The following RUFY3 variants were observed in gnomAD, a reference collection of about 807,000 sequenced individuals.
RUFY3 encodes the protein protein RUFY3.
Under a neutral mutation model 84.0 loss-of-function variants are expected in RUFY3, and 34 were observed. That is an observed-to-expected ratio of 0.40 (90% CI 0.31 to 0.54). RUFY3 has a LOEUF of 0.54. Among genes scored for constraint, RUFY3 ranks in the 20% least tolerant of loss-of-function variants. The pLI, the probability that RUFY3 is intolerant of heterozygous loss-of-function variation, is 0.39. For synonymous variants in RUFY3, 242 were observed against 252.9 expected (o/e 0.96, Z 0.41); for missense variants, 507 against 736.8 (o/e 0.69, Z 3.61).
intron 4 of RUFY3, among the ~76,000 whole-genome samples, chr4:70,766,715 C>T (rs1254927893): frequency 6.6e-6 from 1 of 152,140 alleles, no homozygotes; most frequent in Non-Finnish European, 1.5e-5. Flanking sequence ...ATTGATGAAC[C>T]TACATTGACA....
intron 10 of RUFY3, among the ~76,000 whole-genome samples, chr4:70,788,237 A>G (rs1730229033): frequency 1.3e-5 from 2 of 151,200 alleles, no homozygotes; most frequent in African/African-American, 4.9e-5. Context: ...GTGAGCCAAG[A>G]CTGAGCCCCT....
chr4:70,760,738 A>G (rs1028090862), intron 1 of RUFY3, among the ~76,000 whole-genome samples: 6 of 152,328 alleles, frequency 3.9e-5, no homozygotes, highest in African/African-American at 1.2e-4. Context: ...CATTTAAGCT[A>G]TGGCCACATT....
intron 4 of RUFY3, among the ~76,000 whole-genome samples, chr4:70,767,418 CT>C (rs1347722276): frequency 6.6e-6 from 1 of 151,284 alleles, no homozygotes; most frequent in Non-Finnish European, 1.5e-5. Context: ...CGATAGCTCC[CT>C]TTTTTTAGTG....
Position 70,714,513 on chromosome 4 carries a change from A to G in RUFY3, c.358+9219A>G, listed in dbSNP as rs564758434. On this transcript the variant is annotated intron_variant, in intron 1 of 11. Transcript: ENST00000417478. ...TGTTGAGTGAATGAATCTGTTATGT[A>G]CATGTAATGAAGCCAGTGTTAGACT... 7.9e-5 allele frequency among the ~76,000 whole-genome samples: 12 copies of G among 152,320 alleles called. No individual in the cohort carries two copies. The South Asian group carries it at 2.3e-3, about 29-fold the overall frequency.
Position 70,777,304 on chromosome 4 carries a change from T to C in RUFY3, c.825-1065T>C, listed in dbSNP as rs147786158. ...TTCCAGAACATAAAACAGTTTCCTC[T>C]CTCCTGAGAAGAGCTATCCAAAAGC... On this transcript the variant is annotated intron_variant, in intron 7 of 17. Transcript: ENST00000381006. Among the ~76,000 whole-genome samples, 305 of 152,314 alleles carry C rather than the reference T, an allele frequency of 2.0e-3. 1 individual carries two copies. The highest frequency in any genetic ancestry group is 7.0e-3 in the African/African-American group (292 of 41,586).
At chr4:70,795,005 T>C (rs910828449) in intron 14 of RUFY3, 111 bp downstream of exon 14, 22 of 726,336 alleles carry the variant, frequency 3.0e-5, no homozygotes, top group African/African-American at 5.3e-5. Flanking sequence ...AGTGGCTGTG[T>C]CCTCAAGTAT....
chr4:70,736,333 TAGGG>T (rs1720288965), intron 1 of RUFY3, among the ~76,000 whole-genome samples: 1 of 152,140 alleles, frequency 6.6e-6, no homozygotes, highest in Non-Finnish European at 1.5e-5. Flanking sequence ...TTCAAATACC[TAGGG>T]ATAACCACTG....
intron 1 of RUFY3, among the ~76,000 whole-genome samples, chr4:70,752,014 C>A (rs1254403309): frequency 6.6e-6 from 1 of 152,164 alleles, no homozygotes; most frequent in Non-Finnish European, 1.5e-5. Flanking sequence ...CTCCTGACCT[C>A]AAGTGATCCA....
intron 1 of RUFY3, among the ~76,000 whole-genome samples, chr4:70,744,862 C>T (rs1297536957): frequency 6.6e-6 from 1 of 151,922 alleles, no homozygotes; most frequent in African/African-American, 2.4e-5. Context: ...ACCATGTTGG[C>T]TAGGCTGGTC....
intron 9 of RUFY3, among the ~76,000 whole-genome samples, chr4:70,784,371 T>C (rs187934796): frequency 1.3e-5 from 2 of 152,192 alleles, no homozygotes; most frequent in Admixed American, 6.5e-5. Context: ...TAATCCCAGC[T>C]ACTCGGGAAG....
intron 1 of RUFY3, among the ~76,000 whole-genome samples, chr4:70,751,776 G>A (rs1553909606): frequency 1.3e-5 from 2 of 151,838 alleles, no homozygotes; most frequent in Admixed American, 6.6e-5. Flanking sequence ...TTCTTTTGTT[G>A]CTAAACCATT....
intron 12 of RUFY3, chr4:70,791,741 G>C: frequency 2.0e-6 from 2 of 992,814 alleles, no homozygotes; most frequent in Non-Finnish European, 2.4e-6. Context: ...TAACTACCAT[G>C]TGAACTTGAA....
chr4:70,804,199 T>C (rs1160470275), intron 16 of RUFY3, 149 bp from the exon 17 acceptor site: 1 of 595,566 alleles, frequency 1.7e-6, no homozygotes, highest in Non-Finnish European at 3.0e-6. Context: ...AGTTGTATTA[T>C]GGTGGTAGGA....
intron 1 of RUFY3, among the ~76,000 whole-genome samples, chr4:70,761,496 G>A (rs1050930314): frequency 2.6e-5 from 4 of 152,202 alleles, no homozygotes; most frequent in Non-Finnish European, 5.9e-5. Context: ...TCAGGGCAGA[G>A]CAGCTGAAGC....
At chr4:70,776,628 T>G (rs1388322699) in intron 7 of RUFY3, among the ~76,000 whole-genome samples, 1 of 151,908 alleles carries the variant, frequency 6.6e-6, no homozygotes, top group Admixed American at 6.6e-5. Context: ...CAAAAAAAAT[T>G]AGCCGGGCGT....
chr4:70,793,811 A>G lies in RUFY3; in HGVS notation c.1364A>G (p.Gln455Arg). 6.2e-7 allele frequency: 1 copy of G among 1,614,114 alleles called. No individual in the cohort carries two copies. Among genetic ancestry groups the G allele is most frequent in the South Asian group, 1.1e-5 (1 of 91,086 alleles). ...QRLRQAERSR[Q>R]SAELDNRLFK... ...TTGCGCCAGGCTGAGCGAAGCCGCCAATCTGCTGAGTTGGACAACCGGCTC... is the reference window on the plus strand; with the variant it reads ...TTGCGCCAGGCTGAGCGAAGCCGCCGATCTGCTGAGTTGGACAACCGGCTC... Residue 455 changes from glutamine to arginine, a missense_variant, in exon 13 of 18, where the codon CAA becomes CGA. Gln to Arg is a conservative substitution (Grantham distance 43). Coordinates refer to ENST00000381006, the MANE Select transcript of RUFY3 (RefSeq NM_001037442.4).
intron 12 of RUFY3, chr4:70,792,823 G>A: frequency 1.0e-6 from 1 of 985,428 alleles, no homozygotes. Context: ...CTTCATGGAA[G>A]TGGAAGATCC....
intron 7 of RUFY3, among the ~76,000 whole-genome samples, chr4:70,775,836 G>A (rs538809814): frequency 6.6e-6 from 1 of 151,818 alleles, no homozygotes; most frequent in Admixed American, 6.6e-5. Flanking sequence ...TACTTGTGGG[G>A]CTGAGACAGG....
At chr4:70,767,715 G>A (rs1726216649) in intron 4 of RUFY3, among the ~76,000 whole-genome samples, 1 of 151,620 alleles carries the variant, frequency 6.6e-6, no homozygotes, top group Non-Finnish European at 1.5e-5. Context: ...GTGTTGCTCT[G>A]TCACCCAGGC....
Sources: gnomAD v4.1 joint callset for allele counts (sites outside exome capture counted in the v4.1 genomes callset) on GRCh38, gnomAD v4.1.1 for gene constraint, MANE v1.5 for transcripts, NCBI Gene and HGNC (gene_info 2026-07-23, HGNC 2026-07-21) for gene names.